The following ATXN1 variants were observed in gnomAD, a reference collection of about 807,000 sequenced individuals.
ATXN1 encodes the protein ataxin 1, also known as ataxin-1.
Under a neutral mutation model 56.4 loss-of-function variants are expected in ATXN1, and 8 were observed. The ratio of observed to expected loss-of-function variants is 0.14; its 90% CI spans 0.08 to 0.26. The LOEUF is 0.26. Ranked by LOEUF, ATXN1 falls within the 10% of genes least tolerant of loss-of-function variation. The pLI is 1.00. For synonymous variants in ATXN1, 514 were observed against 494.6 expected, an observed-to-expected ratio of 1.04 and a Z score of -0.52; for missense variants, 987 against 1,106.5, an observed-to-expected ratio of 0.89 and a Z score of 1.53.
chr6:16,677,859 AT>A (rs1758719683), intron 2 of ATXN1, among the ~76,000 whole-genome samples: 1 of 152,130 alleles, frequency 6.6e-6, no homozygotes, highest in Non-Finnish European at 1.5e-5. Flanking sequence ...ATCATACCCT[AT>A]TTTCTATATT....
chr6:16,341,877 A>ATTTT lies in ATXN1; in HGVS notation c.-160-13411_-160-13408dup, dbSNP rs34092584. Among the ~76,000 whole-genome samples, 136 of 86,850 alleles carry ATTTT rather than the reference A, an allele frequency of 1.6e-3. 7 individuals are homozygous for ATTTT. Among genetic ancestry groups the ATTTT allele is most frequent in the East Asian group, 3.3e-3 (10 of 3,024 alleles). The allele number at this position is 86,850 out of a possible 152,430, so 57.0% of individuals were successfully genotyped here. ...CTGTCCTTGGCAGTATGTCTCAGTG[A>ATTTT]TTTTTTTTTTTTTTTTTTTTTTGAG... On this transcript the variant is annotated intron_variant, in intron 6 of 7. Transcript: ENST00000436367.
chr6:16,327,801 C>A lies in ATXN1; in HGVS notation c.510G>T (p.Gln170His). ...ASAAGATTPS[Q>H]RSQLEAYSTL... is the part of the protein sequence containing the mutation. ...TGGAATAGGCCTCCAGCTGGGAGCG[C>A]TGGGATGGAGTGGTGGCCCCTGCGG... The change falls in exon 7 of 8, where the codon CAG (glutamine) becomes CAT (histidine). Residue 170 changes from glutamine to histidine, a missense_variant. Around this residue, in one of 3 missense-constraint regions of ATXN1, gnomAD observed 723 missense variants for 791.7 expected, o/e 0.91. Transcript: ENST00000436367. The A allele has an allele frequency of 6.2e-7, 1 of 1,610,048 alleles. No individual in the cohort carries two copies. The highest frequency in any genetic ancestry group is 8.5e-7 in the Non-Finnish European group (1 of 1,179,990).
intron 3 of ATXN1, among the ~76,000 whole-genome samples, chr6:16,638,032 T>C (rs1280629477): frequency 2.0e-5 from 3 of 152,196 alleles, no homozygotes; most frequent in East Asian, 3.8e-4. Flanking sequence ...AATTAATGCA[T>C]ACATATGCAC....
intron 3 of ATXN1, among the ~76,000 whole-genome samples, chr6:16,643,493 G>T (rs867510189): frequency 4.6e-5 from 7 of 151,942 alleles, no homozygotes; most frequent in Middle Eastern, 3.4e-3. Flanking sequence ...GCCAGGTGTT[G>T]TCGTGCACAC....
chr6:16,720,602 T>C (rs1427591035), intron 2 of ATXN1, among the ~76,000 whole-genome samples: 2 of 152,262 alleles, frequency 1.3e-5, no homozygotes, highest in Non-Finnish European at 2.9e-5. Flanking sequence ...GAATGCTTAC[T>C]ATTATTTTTG....
At chr6:16,681,539 T>C (rs1331513786) in intron 2 of ATXN1, among the ~76,000 whole-genome samples, 1 of 152,256 alleles carries the variant, frequency 6.6e-6, no homozygotes, top group Non-Finnish European at 1.5e-5. Flanking sequence ...CCGCCATCAA[T>C]GAGCAATAAT....
At chr6:16,526,406 T>C (rs759864397) in intron 4 of ATXN1, among the ~76,000 whole-genome samples, 2 of 152,042 alleles carry the variant, frequency 1.3e-5, no homozygotes, top group South Asian at 4.1e-4. Flanking sequence ...TTGGTTTGAG[T>C]GGGTGTAGCA....
intron 5 of ATXN1, among the ~76,000 whole-genome samples, chr6:16,497,398 C>T (rs1760800983): frequency 6.6e-6 from 1 of 152,096 alleles, no homozygotes; most frequent in African/African-American, 2.4e-5. Flanking sequence ...ATGATTAATA[C>T]AGCTTCCTTC....
chr6:16,537,507 T>C (rs1019627029), intron 4 of ATXN1, among the ~76,000 whole-genome samples: 18 of 150,634 alleles, frequency 1.2e-4, no homozygotes, highest in African/African-American at 3.7e-4. Flanking sequence ...GAGTTCAAGA[T>C]GGGCTTGGTC....
In ATXN1 at chr6:16,299,635, G is replaced by GTAAT. The variant is rs1327516010; in HGVS notation, c.*6690_*6693dup. 6.6e-6 allele frequency: 1 copy of GTAAT among 152,644 alleles called. No homozygotes were observed. The highest frequency in any genetic ancestry group is 1.5e-5 in the Non-Finnish European group (1 of 68,062). 9.5% of individuals were successfully genotyped at this position (152,644 alleles called of 1,614,324 possible). The stretch of plus-strand genomic sequence containing the variant: ...TTGGCCTGTGGGAGGCATATGGTGG[G>GTAAT]TAATGATCTGATATTAAAACATCCA... On this transcript the variant is annotated 3_prime_UTR_variant, in exon 8 of 8. Coordinates refer to ENST00000436367, the MANE Select transcript of ATXN1 (RefSeq NM_001128164.2).
At chr6:16,638,712 C>T (rs991375963) in intron 3 of ATXN1, among the ~76,000 whole-genome samples, 2 of 152,130 alleles carry the variant, frequency 1.3e-5, no homozygotes, top group Non-Finnish European at 2.9e-5. Flanking sequence ...GTACACGTGA[C>T]TAAATAGAAA....
chr6:16,479,706 G>A (rs1039123865), intron 6 of ATXN1, among the ~76,000 whole-genome samples: 11 of 152,088 alleles, frequency 7.2e-5, no homozygotes, highest in African/African-American at 2.4e-4. Context: ...CTTGAACATT[G>A]AGCACTTCGA....
intron 2 of ATXN1, among the ~76,000 whole-genome samples, chr6:16,723,929 AAG>A (rs1188102912): frequency 3.8e-4 from 58 of 152,200 alleles, no homozygotes; most frequent in Admixed American, 3.8e-3. Context: ...TTTTTAACAT[AAG>A]ACTAAAGCAT....
At chr6:16,518,979 A>C (rs183914054) in intron 5 of ATXN1, among the ~76,000 whole-genome samples, 1 of 152,308 alleles carries the variant, frequency 6.6e-6, no homozygotes, top group Admixed American at 6.5e-5. Flanking sequence ...TTAGGAAAAT[A>C]ATTTCTTGAG....
At chr6:16,721,779 A>C (rs1759750862) in intron 2 of ATXN1, among the ~76,000 whole-genome samples, 1 of 152,180 alleles carries the variant, frequency 6.6e-6, no homozygotes, top group Non-Finnish European at 1.5e-5. Flanking sequence ...ACATTTTGTT[A>C]AGCCTTTCAT....
intron 7 of ATXN1, among the ~76,000 whole-genome samples, chr6:16,311,826 C>T (rs1056887547): frequency 1.3e-5 from 2 of 152,222 alleles, no homozygotes; most frequent in African/African-American, 2.4e-5. Flanking sequence ...AAAAATAAAA[C>T]TCTCAGGTGT....
chr6:16,555,792 C>T (rs1762002548), intron 4 of ATXN1, among the ~76,000 whole-genome samples: 1 of 152,202 alleles, frequency 6.6e-6, no homozygotes, highest in African/African-American at 2.4e-5. Flanking sequence ...TTTATGACCA[C>T]AACACACTAA....
intron 6 of ATXN1, among the ~76,000 whole-genome samples, chr6:16,444,984 G>A (rs948786807): frequency 5.3e-5 from 8 of 152,210 alleles, no homozygotes; most frequent in Admixed American, 2.0e-4. Flanking sequence ...AAACCCAGAC[G>A]GGTGGGAAAT....
intron 6 of ATXN1, among the ~76,000 whole-genome samples, chr6:16,380,766 T>TG (rs1317496458): frequency 6.6e-6 from 1 of 152,094 alleles, no homozygotes; most frequent in Non-Finnish European, 1.5e-5. Context: ...AAAGGCATGC[T>TG]GTTGAAAATG....
Sources: allele counts gnomAD v4.1 joint callset (sites outside exome capture counted in the v4.1 genomes callset), GRCh38; gene constraint gnomAD v4.1.1; regional missense constraint gnomAD v4.1.1; transcripts MANE v1.5; gene names NCBI Gene and HGNC (gene_info 2026-07-23, HGNC 2026-07-21).